Variants in FOCAD observed in about 807,000 individuals in gnomAD.
The protein encoded by FOCAD is KIAA1797.
A neutral mutation model predicts 225.6 loss-of-function variants in FOCAD; 198 were observed. That is an observed-to-expected ratio of 0.88 (90% CI 0.78 to 0.99). The LOEUF is 0.99. FOCAD is among the 50% of genes least tolerant of loss of function. FOCAD has a pLI of 0.00. For synonymous variants in FOCAD, 897 were observed against 755.0 expected (o/e 1.19, Z -3.08); for missense variants, 2,713 against 2,123.6 (o/e 1.28, Z -5.46).
intron 11 of FOCAD, among the ~76,000 whole-genome samples, chr9:20,806,343 G>A (rs775836974): frequency 2.6e-5 from 4 of 152,062 alleles, no homozygotes; most frequent in Non-Finnish European, 4.4e-5. Context: ...CGGCCTCTTA[G>A]ACATTTTAAA....
chr9:20,797,941 G>A (rs567538106), intron 11 of FOCAD, among the ~76,000 whole-genome samples: 24 of 152,288 alleles, frequency 1.6e-4, no homozygotes, highest in African/African-American at 5.5e-4. Flanking sequence ...CAAAGGGAAT[G>A]CTTCCAGTTT....
intron 11 of FOCAD, among the ~76,000 whole-genome samples, chr9:20,816,795 A>G (rs979226877): frequency 3.3e-5 from 5 of 152,142 alleles, no homozygotes; most frequent in African/African-American, 1.2e-4. Flanking sequence ...GGGGAAGAAA[A>G]TAAAAATAAG....
chr9:20,982,259 G>A, intron 38 of FOCAD, 98 bp from the exon 39 acceptor site: 1 of 761,818 alleles, frequency 1.3e-6, no homozygotes, highest in Non-Finnish European at 2.1e-6. Context: ...CTCATCAGCT[G>A]CTGTTCATGG....
intron 11 of FOCAD, among the ~76,000 whole-genome samples, chr9:20,798,315 G>C (rs1040085517): frequency 2.0e-5 from 3 of 151,884 alleles, no homozygotes; most frequent in African/African-American, 7.3e-5. Context: ...TCTCTTTTTT[G>C]GTTGTGTCTC....
intron 5 of FOCAD, among the ~76,000 whole-genome samples, chr9:20,740,891 G>A (rs1169041693): frequency 1.3e-5 from 2 of 152,090 alleles, no homozygotes; most frequent in Non-Finnish European, 2.9e-5. Context: ...GGATTTTCTG[G>A]GGGAGTTGTG....
chr9:20,796,002 C>A (rs554230701), intron 11 of FOCAD, among the ~76,000 whole-genome samples: 51 of 138,432 alleles, frequency 3.7e-4, no homozygotes, highest in African/African-American at 1.3e-3. Context: ...GTGTGATGTT[C>A]CCCTTCCTGT....
chr9:20,918,869 A>C (rs541229951), intron 24 of FOCAD, among the ~76,000 whole-genome samples: 2 of 152,328 alleles, frequency 1.3e-5, no homozygotes, highest in East Asian at 3.9e-4. Flanking sequence ...GGAAAAAATC[A>C]TTCTGTCACC....
intron 42 of FOCAD, among the ~76,000 whole-genome samples, chr9:20,990,710 G>A (rs1841583699): frequency 1.3e-5 from 2 of 152,172 alleles, no homozygotes; most frequent in African/African-American, 2.4e-5. Flanking sequence ...GGTGAGGGTC[G>A]ACGGGAAGGC....
At chr9:20,927,909 G>T (rs1222218805) in intron 26 of FOCAD, 1 of 150,762 alleles carries the variant, frequency 6.6e-6, no homozygotes, top group Non-Finnish European at 1.5e-5. Flanking sequence ...TTCATCAGGG[G>T]CTTTGGGTTT....
At chr9:20,840,107 T>C (rs1207432620) in intron 15 of FOCAD, among the ~76,000 whole-genome samples, 1 of 152,140 alleles carries the variant, frequency 6.6e-6, no homozygotes, top group Non-Finnish European at 1.5e-5. Flanking sequence ...CCTCCAGTTT[T>C]GTTGTTTTTG....
At chr9:20,972,554 C>G (rs763455871) in intron 35 of FOCAD, among the ~76,000 whole-genome samples, 1 of 151,760 alleles carries the variant, frequency 6.6e-6, no homozygotes, top group Non-Finnish European at 1.5e-5. Context: ...CCTCTGCCCT[C>G]TCTTTTTCAG....
At position 20,823,405 on chromosome 9, in the gene FOCAD, G is replaced by A. The variant is rs78383849; in HGVS notation, c.1920+290G>A. Among the ~76,000 whole-genome samples the A allele has an allele frequency of 2.0e-5, 3 of 152,104 alleles. No individual in the cohort carries two copies. In the East Asian group the frequency reaches 5.8e-4, roughly 29 times the overall value. ...AACAAAAGGGAAAGTTATGCCTATA[G>A]GAGAACTCTAGAATATAGTTGCTTC... On this transcript the variant is annotated intron_variant, in intron 15 of 43. Transcript: ENST00000338382.
At chr9:20,796,561 G>C (rs556692298) in intron 11 of FOCAD, among the ~76,000 whole-genome samples, 2 of 152,242 alleles carry the variant, frequency 1.3e-5, no homozygotes, top group East Asian at 3.9e-4. Context: ...TTCTCTGATG[G>C]CCAGTGATGA....
At chr9:20,915,725 T>C (rs1833815154) in intron 23 of FOCAD, among the ~76,000 whole-genome samples, 1 of 152,298 alleles carries the variant, frequency 6.6e-6, no homozygotes, top group Non-Finnish European at 1.5e-5. Flanking sequence ...GGGTAGATAC[T>C]ACAGTATGTT....
At chr9:20,966,001 A>G (rs896658617) in intron 35 of FOCAD, among the ~76,000 whole-genome samples, 4 of 152,056 alleles carry the variant, frequency 2.6e-5, no homozygotes, top group Admixed American at 6.6e-5. Flanking sequence ...TTTGTGTACA[A>G]GTTTTGGGTT....
intron 11 of FOCAD, among the ~76,000 whole-genome samples, chr9:20,797,392 A>G (rs982461665): frequency 5.3e-5 from 8 of 152,198 alleles, no homozygotes; most frequent in African/African-American, 1.2e-4. Context: ...CATTCAATCT[A>G]TAAATTACCT....
At chr9:20,706,880 A>G (rs748841262) in intron 1 of FOCAD, among the ~76,000 whole-genome samples, 1 of 152,194 alleles carries the variant, frequency 6.6e-6, no homozygotes, top group Non-Finnish European at 1.5e-5. Flanking sequence ...TTTCTTCAAC[A>G]GAGTCCCAGG....
chr9:20,821,863 C>T (rs1036174273), intron 14 of FOCAD, among the ~76,000 whole-genome samples: 19 of 151,792 alleles, frequency 1.3e-4, no homozygotes, highest in Admixed American at 1.3e-3. Context: ...GGCCCAGATG[C>T]TGATAACATG....
At position 20,776,030 on chromosome 9, in the gene FOCAD, A is replaced by T. The variant is rs569200337; in HGVS notation, c.907-2651A>T. ...GGCTTATATGACTAGAGTTCATCTG[A>T]CAATGTGATCCCAGCAAGCAGTTGG... On this transcript the variant is annotated intron_variant, in intron 8 of 43. Transcript: ENST00000338382. Among the ~76,000 whole-genome samples the T allele has an allele frequency of 7.6e-4, 115 of 152,248 alleles. 1 individual carries two copies. The South Asian group carries it at 0.01, about 14-fold the overall frequency.
Sources: allele counts gnomAD v4.1 joint callset (sites outside exome capture counted in the v4.1 genomes callset), GRCh38; gene constraint gnomAD v4.1.1; transcripts MANE v1.5; gene names NCBI Gene and HGNC (gene_info 2026-07-23, HGNC 2026-07-21).